CREBL2: variants seen among roughly 807,000 people sequenced by gnomAD.
CREBL2 encodes the protein cAMP-responsive element-binding protein-like 2.
In CREBL2, 4 loss-of-function variants were observed where a neutral mutation model predicts 19.5. That is an observed-to-expected ratio of 0.20 (90% CI 0.10 to 0.47). CREBL2 has a LOEUF of 0.47. CREBL2 is among the 20% of genes least tolerant of loss of function. The pLI is 0.98. For synonymous variants in CREBL2, 42 were observed against 46.6 expected (o/e 0.90, Z 0.40); for missense variants, 85 against 145.1 (o/e 0.59, Z 2.13).
intron 1 of CREBL2, among the ~76,000 whole-genome samples, chr12:12,612,422 A>C (rs1945274814): frequency 6.6e-6 from 1 of 152,142 alleles, no homozygotes; most frequent in Non-Finnish European, 1.5e-5. Context: ...GGCGTTTGCT[A>C]GCTTTCCAGG....
At position 12,637,597 on chromosome 12, in the gene CREBL2, C is replaced by A. The variant is rs754573349; in HGVS notation, c.241C>A (p.Gln81Lys). Residue 81 changes from glutamine (Q) to lysine (K), a missense_variant, in exon 3 of 4, where the codon CAA (glutamine) becomes AAA (lysine). Physicochemically the swap from Gln to Lys is moderately conservative, Grantham distance 53 (BLOSUM62 1). Around this residue, in one of 5 missense-constraint regions of CREBL2, gnomAD observed 22 missense variants for 46.7 expected, o/e 0.47. Coordinates refer to ENST00000228865, the MANE Select transcript of CREBL2 (RefSeq NM_001310.4). ...MYKQWCMAMD[Q>K]GKIPSEIKAL... The stretch of plus-strand genomic sequence containing the variant: ...CAAGCAGTGGTGCATGGCAATGGAC[C>A]AAGGAAAAATCCCTTCTGAAATAAA... 2.5e-6 allele frequency: 4 copies of A among 1,605,358 alleles called. No individual in the cohort carries two copies. In the African/African-American group the frequency reaches 5.4e-5, roughly 21 times the overall value.
chr12:12,633,376 AG>A (rs1945454369), intron 1 of CREBL2, among the ~76,000 whole-genome samples: 1 of 152,160 alleles, frequency 6.6e-6, no homozygotes, highest in African/African-American at 2.4e-5. Flanking sequence ...AGGAGGTTGC[AG>A]TGAGCTGAGA....
chr12:12,642,791 G>C lies in CREBL2; in HGVS notation c.*793G>C, dbSNP rs892314307. On this transcript the variant is annotated 3_prime_UTR_variant, in exon 4 of 4. Coordinates refer to ENST00000228865, the MANE Select transcript of CREBL2 (RefSeq NM_001310.4). ...TTTTTAAGTGAAAAGTAACCTTTCA[G>C]GCATTTCAGCAGCATACATTGACAA... 1 of 152,370 alleles carries C rather than the reference G, an allele frequency of 6.6e-6. No homozygotes were observed. Among genetic ancestry groups the C allele is most frequent in the African/African-American group, 2.4e-5 (1 of 41,410 alleles). 9.4% of individuals were successfully genotyped at this position (152,370 alleles called of 1,614,324 possible). A position where few individuals can be genotyped will look rare whatever the true frequency, so the allele number is the denominator to read the frequency against.
At chr12:12,641,064 A>G (rs921854029) in intron 3 of CREBL2, among the ~76,000 whole-genome samples, 2 of 151,794 alleles carry the variant, frequency 1.3e-5, no homozygotes, top group Admixed American at 6.6e-5. Context: ...TATATGGTAT[A>G]AAGTGGGAGT....
intron 1 of CREBL2, among the ~76,000 whole-genome samples, chr12:12,621,356 TAAAAATA>T (rs1945358153): frequency 6.6e-6 from 1 of 152,032 alleles, no homozygotes; most frequent in Admixed American, 6.6e-5. Context: ...CCATCTCTAC[TAAAAATA>T]CAAAATTAGC....
At chr12:12,618,614 C>G (rs556051317) in intron 1 of CREBL2, among the ~76,000 whole-genome samples, 2 of 152,348 alleles carry the variant, frequency 1.3e-5, no homozygotes, top group South Asian at 4.1e-4. Context: ...ACGCTCCTCA[C>G]TTCCCAGGCG....
At chr12:12,620,542 T>C (rs1389011125) in intron 1 of CREBL2, among the ~76,000 whole-genome samples, 2 of 152,188 alleles carry the variant, frequency 1.3e-5, no homozygotes, top group East Asian at 1.9e-4. Context: ...CTTCCTTTCT[T>C]GTCTAGGTTA....
At chr12:12,618,067 C>T (rs1293319369) in intron 1 of CREBL2, among the ~76,000 whole-genome samples, 4 of 151,970 alleles carry the variant, frequency 2.6e-5, no homozygotes, top group African/African-American at 4.8e-5. Flanking sequence ...ATGTCTACTT[C>T]GTTCTACACA....
At chr12:12,617,678 T>TTTTTTTTTTTTTTTTTTTTTTTTTTTTC (rs1945322254) in intron 1 of CREBL2, among the ~76,000 whole-genome samples, 1 of 116,762 alleles carries the variant, frequency 8.6e-6, no homozygotes, top group Non-Finnish European at 1.8e-5. Context: ...TTTTTTTTTT[T>TTTTTTTTTTTTTTTTTTTTTTTTTTTTC]TTTAGTATTT....
chr12:12,626,927 C>A (rs1346060929), intron 1 of CREBL2, among the ~76,000 whole-genome samples: 1 of 150,812 alleles, frequency 6.6e-6, no homozygotes, highest in Non-Finnish European at 1.5e-5. Flanking sequence ...AGCTATCAAG[C>A]CACGAAAAGT....
chr12:12,629,994 T>C (rs968773724), intron 1 of CREBL2, among the ~76,000 whole-genome samples: 1 of 152,168 alleles, frequency 6.6e-6, no homozygotes, highest in African/African-American at 2.4e-5. Flanking sequence ...TCTTTGTTGC[T>C]AGATTCAGCC....
intron 3 of CREBL2, among the ~76,000 whole-genome samples, chr12:12,639,100 A>C (rs1945498711): frequency 6.6e-6 from 1 of 152,080 alleles, no homozygotes; most frequent in Admixed American, 6.6e-5. Context: ...GGCTTCTGTC[A>C]CCTAGTATAA....
intron 1 of CREBL2, among the ~76,000 whole-genome samples, chr12:12,626,975 G>T (rs1945407196): frequency 6.6e-6 from 1 of 152,062 alleles, no homozygotes. Flanking sequence ...TAAGTGAAAG[G>T]AGCCATTTTG....
intron 1 of CREBL2, among the ~76,000 whole-genome samples, chr12:12,628,782 A>G (rs1453296976): frequency 6.6e-6 from 1 of 152,116 alleles, no homozygotes; most frequent in Non-Finnish European, 1.5e-5. Context: ...GGCTTGTTCA[A>G]TTTTTAATTT....
intron 3 of CREBL2, among the ~76,000 whole-genome samples, chr12:12,638,525 C>T (rs998463492): frequency 6.6e-6 from 1 of 151,954 alleles, no homozygotes; most frequent in South Asian, 2.1e-4. Context: ...ATAAATTTAT[C>T]GAAATTTTAT....
intron 1 of CREBL2, among the ~76,000 whole-genome samples, chr12:12,621,780 G>C (rs1170202170): frequency 1.3e-5 from 2 of 152,192 alleles, no homozygotes; most frequent in African/African-American, 2.4e-5. Flanking sequence ...AATTTTAATA[G>C]GCTTCCCAGT....
chr12:12,629,295 T>A (rs962633964), intron 1 of CREBL2, among the ~76,000 whole-genome samples: 3 of 152,180 alleles, frequency 2.0e-5, no homozygotes, highest in African/African-American at 7.2e-5. Context: ...TTTCTTTTAA[T>A]GATATTTTGT....
At chr12:12,630,748 C>T (rs568404183) in intron 1 of CREBL2, among the ~76,000 whole-genome samples, 3 of 152,298 alleles carry the variant, frequency 2.0e-5, no homozygotes, top group Non-Finnish European at 4.4e-5. Context: ...GTTCCGCTCC[C>T]TCTGAGGAAT....
At position 12,643,039 on chromosome 12, in the gene CREBL2, C is replaced by T. The variant is rs1393499845; in HGVS notation, c.*1041C>T. The T allele has an allele frequency of 6.6e-6, 1 of 152,646 alleles. No homozygotes were observed. Among genetic ancestry groups the T allele is most frequent in the Non-Finnish European group, 1.5e-5 (1 of 68,036 alleles). 9.5% of individuals were successfully genotyped at this position (152,646 alleles called of 1,614,324 possible). Reference sequence around the variant, plus strand: ...GTAGATCTACTGACTGTAGCCATCACCAGAACACTTAGTTTCTTCCCAGAC... The same window carrying T: ...GTAGATCTACTGACTGTAGCCATCATCAGAACACTTAGTTTCTTCCCAGAC... On this transcript the variant is annotated 3_prime_UTR_variant, in exon 4 of 4. Transcript: ENST00000228865.
Sources: gnomAD v4.1 joint callset for allele counts (sites outside exome capture counted in the v4.1 genomes callset) on GRCh38, gnomAD v4.1.1 for gene constraint, gnomAD v4.1.1 regional missense constraint, MANE v1.5 for transcripts, NCBI Gene and HGNC (gene_info 2026-07-23, HGNC 2026-07-21) for gene names.